Variants in TRDN observed in about 807,000 individuals in gnomAD.
TRDN encodes the protein triadin.
A neutral mutation model predicts 149.7 loss-of-function variants in TRDN; 161 were observed. The ratio of observed to expected loss-of-function variants is 1.08; its 90% CI spans 0.95 to 1.23. The LOEUF is 1.23. Among genes scored for constraint, TRDN ranks in the 50% most tolerant of loss-of-function variants. The probability of loss-of-function intolerance (pLI) is 0.00; values close to 1 mark genes in which losing one functional copy is unlikely to be tolerated. For synonymous variants in TRDN, 294 were observed against 250.5 expected (o/e 1.17, Z -1.64); for missense variants, 896 against 823.5 (o/e 1.09, Z -1.08).
intron 10 of TRDN, among the ~76,000 whole-genome samples, chr6:123,446,510 A>G (rs117535568): frequency 0.15 from 21,631 of 144,746 alleles, 2,302 homozygotes; most frequent in African/African-American, 0.31. Context: ...GCGTGAACCC[A>G]GGAGGTGGAG....
intron 2 of TRDN, 42 bp from the exon 3 acceptor site, chr6:123,548,654 T>C: frequency 7.6e-7 from 1 of 1,312,558 alleles, no homozygotes; most frequent in East Asian, 3.0e-5. Context: ...AAGTTTGTGA[T>C]CATTTCCAAA....
intron 38 of TRDN, among the ~76,000 whole-genome samples, chr6:123,250,356 A>T (rs1462545496): frequency 1.3e-5 from 2 of 151,940 alleles, no homozygotes; most frequent in Non-Finnish European, 2.9e-5. Flanking sequence ...GAAACAAATG[A>T]CTGAAAAAAA....
chr6:123,607,548 G>T (rs1384266300), intron 1 of TRDN, among the ~76,000 whole-genome samples: 1 of 152,108 alleles, frequency 6.6e-6, no homozygotes, highest in Non-Finnish European at 1.5e-5. Context: ...TTGGATAAAG[G>T]TTGTAGTCTC....
intron 1 of TRDN, among the ~76,000 whole-genome samples, chr6:123,574,885 TATATATATACAC>T: frequency 9.0e-6 from 1 of 111,268 alleles, no homozygotes; most frequent in East Asian, 2.6e-4. Context: ...TATATATATA[TATATATATACAC>T]ACATTTTCCT....
intron 12 of TRDN, among the ~76,000 whole-genome samples, chr6:123,407,902 C>T (rs1447612746): frequency 6.6e-6 from 1 of 152,094 alleles, no homozygotes; most frequent in Non-Finnish European, 1.5e-5. Flanking sequence ...TCCACAAAGA[C>T]CTCACCACAA....
intron 1 of TRDN, among the ~76,000 whole-genome samples, chr6:123,594,396 T>C (rs2114629001): frequency 6.6e-6 from 1 of 152,130 alleles, no homozygotes; most frequent in South Asian, 2.1e-4. Context: ...AGGCACTAAC[T>C]CTCTTCAATT....
chr6:123,570,856 G>C (rs2145735), intron 2 of TRDN, 67 bp downstream of exon 2: 2 of 1,448,284 alleles, frequency 1.4e-6, no homozygotes, highest in Non-Finnish European at 1.9e-6. Flanking sequence ...AGCAGGAACT[G>C]GAGGGGACAC....
Position 123,636,885 on chromosome 6 carries a change from G to A in TRDN, c.-110C>T, listed in dbSNP as rs185278550. Reference sequence around the variant, plus strand: ...GGAGGGTTCTGTGTCAAAACCTGGGGGCTCTTCGTTTTCCTGGCTGTTTCT... The same window carrying A: ...GGAGGGTTCTGTGTCAAAACCTGGGAGCTCTTCGTTTTCCTGGCTGTTTCT... On this transcript the variant is annotated 5_prime_UTR_variant, in exon 1 of 41. Coordinates refer to ENST00000334268, the MANE Select transcript of TRDN (RefSeq NM_006073.4). 40 of 1,305,834 alleles carry A rather than the reference G, an allele frequency of 3.1e-5. No individual in the cohort carries two copies. The East Asian group carries it at 9.4e-4, about 31-fold the overall frequency. 80.9% of individuals were successfully genotyped at this position (1,305,834 alleles called of 1,614,324 possible). A position where few individuals can be genotyped will look rare whatever the true frequency, so the allele number is the denominator to read the frequency against.
chr6:123,453,402 G>A (rs7773528), intron 10 of TRDN, among the ~76,000 whole-genome samples: 22,939 of 151,506 alleles, frequency 0.15, 2,250 homozygotes, highest in African/African-American at 0.28. Flanking sequence ...ACTCAAACAA[G>A]ACAGTAAGAA....
chr6:123,501,190 T>G lies in TRDN; in HGVS notation c.793+2529A>C, dbSNP rs977541822. 8.5e-5 allele frequency among the ~76,000 whole-genome samples: 13 copies of G among 152,240 alleles called. No individual in the cohort carries two copies. The East Asian group carries it at 9.6e-4, about 11-fold the overall frequency. ...ATATACAATATTGAGAGTAACTACATTGAATATATTCATATGTATACTATG... is the reference window on the plus strand; with the variant it reads ...ATATACAATATTGAGAGTAACTACAGTGAATATATTCATATGTATACTATG... On this transcript the variant is annotated intron_variant, in intron 8 of 40. Coordinates refer to ENST00000334268, the MANE Select transcript of TRDN (RefSeq NM_006073.4).
At chr6:123,355,882 C>T (rs916343001) in intron 20 of TRDN, among the ~76,000 whole-genome samples, 1 of 151,630 alleles carries the variant, frequency 6.6e-6, no homozygotes, top group Non-Finnish European at 1.5e-5. Context: ...GGATTTGATG[C>T]TATTATATTA....
chr6:123,463,445 C>G (rs1583077481), intron 10 of TRDN, among the ~76,000 whole-genome samples: 1 of 151,996 alleles, frequency 6.6e-6, no homozygotes, highest in South Asian at 2.1e-4. Flanking sequence ...TTCCAAGTGA[C>G]AGATTGCTAA....
chr6:123,310,082 C>T (rs1332490469), intron 24 of TRDN, among the ~76,000 whole-genome samples: 1 of 152,028 alleles, frequency 6.6e-6, no homozygotes, highest in Non-Finnish European at 1.5e-5. Flanking sequence ...GCTTAAAATG[C>T]TGTGTGACAT....
chr6:123,587,596 G>C (rs941353377), intron 1 of TRDN, among the ~76,000 whole-genome samples: 8 of 152,122 alleles, frequency 5.3e-5, no homozygotes, highest in Non-Finnish European at 1.0e-4. Flanking sequence ...TCTGAGTCGC[G>C]GCACCAAATT....
At chr6:123,220,030 AAGGCTCATGAATATC>A (rs1255780979) in intron 40 of TRDN, among the ~76,000 whole-genome samples, 1 of 151,898 alleles carries the variant, frequency 6.6e-6, no homozygotes, top group Admixed American at 6.6e-5. Flanking sequence ...GCTTAAATTA[AAGGCTCATGAATATC>A]AGGCTATAGA....
At chr6:123,573,459 AT>A (rs1431506744) in intron 1 of TRDN, among the ~76,000 whole-genome samples, 1 of 152,114 alleles carries the variant, frequency 6.6e-6, no homozygotes, top group Non-Finnish European at 1.5e-5. Flanking sequence ...AACTACAAAT[AT>A]CACTCTAAGA....
intron 33 of TRDN, among the ~76,000 whole-genome samples, chr6:123,264,035 G>A (rs1390965091): frequency 6.6e-6 from 1 of 152,056 alleles, no homozygotes; most frequent in African/African-American, 2.4e-5. Context: ...GCTGTACGAG[G>A]AGATTAATAT....
intron 12 of TRDN, among the ~76,000 whole-genome samples, chr6:123,433,143 A>T (rs12216406): frequency 3.1e-4 from 30 of 96,414 alleles, no homozygotes; most frequent in East Asian, 1.4e-3. Context: ...ACACATCATA[A>T]ATATATATAT....
intron 2 of TRDN, among the ~76,000 whole-genome samples, chr6:123,554,681 A>T (rs1047562019): frequency 3.9e-5 from 6 of 152,182 alleles, no homozygotes; most frequent in African/African-American, 9.6e-5. Flanking sequence ...GAAACTTCAG[A>T]TGTGTTTCCT....
Sources: gnomAD v4.1 joint callset for allele counts (sites outside exome capture counted in the v4.1 genomes callset) on GRCh38, gnomAD v4.1.1 for gene constraint, MANE v1.5 for transcripts, NCBI Gene and HGNC (gene_info 2026-07-23, HGNC 2026-07-21) for gene names.